The following MTMR10 variants were observed in gnomAD, a reference collection of about 807,000 sequenced individuals.
MTMR10 encodes the protein myotubularin related protein 10, also known as myotubularin-related protein 10.
In MTMR10, 56 loss-of-function variants were observed where a neutral mutation model predicts 88.1. The ratio of observed to expected loss-of-function variants is 0.64; its 90% CI spans 0.51 to 0.79. The LOEUF (loss-of-function observed/expected upper bound fraction) is 0.79. Among genes scored for constraint, MTMR10 ranks in the 30% least tolerant of loss-of-function variants. The probability of loss-of-function intolerance (pLI) is 0.00; values close to 1 mark genes in which losing one functional copy is unlikely to be tolerated. For synonymous variants in MTMR10, 380 were observed against 340.9 expected (o/e 1.11, Z -1.26); for missense variants, 883 against 924.7 (o/e 0.95, Z 0.58).
intron 2 of MTMR10, 30 bp downstream of exon 2, chr15:30,990,747 G>T (rs1404717857): frequency 6.3e-7 from 1 of 1,584,716 alleles, no homozygotes; most frequent in Admixed American, 1.7e-5. Context: ...CGTTGCTAAA[G>T]TATCTGTTAG....
chr15:30,941,042 A>G lies in MTMR10; in HGVS notation c.*428T>C, dbSNP rs1329746868. On this transcript the variant is annotated 3_prime_UTR_variant, in exon 16 of 16. Transcript: ENST00000435680. ...CGACAGAAAGTAACCAGAAAAATACATGAATACTTCCTAAAACCTGCTGGA... is the reference window on the plus strand; with the variant it reads ...CGACAGAAAGTAACCAGAAAAATACGTGAATACTTCCTAAAACCTGCTGGA... 5 of 1,178,918 alleles carry G rather than the reference A, an allele frequency of 4.2e-6. No individual in the cohort carries two copies. The highest frequency in any genetic ancestry group is 1.6e-5 in the African/African-American group (1 of 61,902). The allele number at this position is 1,178,918 out of a possible 1,614,324, so 73.0% of individuals were successfully genotyped here.
At chr15:30,947,992 C>A (rs191173666) in intron 13 of MTMR10, among the ~76,000 whole-genome samples, 1 of 152,264 alleles carries the variant, frequency 6.6e-6, no homozygotes, top group Admixed American at 6.5e-5. Context: ...ATATGATATT[C>A]CAAAAGTGAT....
Position 30,967,957 on chromosome 15 carries a change from A to G in MTMR10, c.528T>C (p.Phe176=). ...ATTTTTTCCCAACATATTCAAATGCAAAGAGTAGCTGGAGGTCTGTTGGCT... is the reference window on the plus strand; with the variant it reads ...ATTTTTTCCCAACATATTCAAATGCGAAGAGTAGCTGGAGGTCTGTTGGCT... The part of the protein sequence containing the change: ...YSQPTDLQLL[F]AFEYVGKKYH... Residue 176 remains phenylalanine (F), a synonymous_variant, in exon 6 of 16, where the codon TTT becomes TTC. Transcript: ENST00000435680. The G allele has an allele frequency of 1.3e-6, 2 of 1,572,574 alleles. No homozygotes were observed. Among genetic ancestry groups the G allele is most frequent in the South Asian group, 1.2e-5 (1 of 85,220 alleles).
At chr15:30,974,872 T>C (rs2029994687) in intron 4 of MTMR10, 59 bp downstream of exon 4, 6 of 1,205,312 alleles carry the variant, frequency 5.0e-6, no homozygotes, top group Admixed American at 3.3e-5. Flanking sequence ...GGTATGACTT[T>C]TCAAATAATA....
intron 9 of MTMR10, among the ~76,000 whole-genome samples, chr15:30,958,017 C>T (rs2063350989): frequency 6.6e-6 from 1 of 152,180 alleles, no homozygotes; most frequent in South Asian, 2.1e-4. Flanking sequence ...GGAAGGCATC[C>T]AGGATGACCC....
rs150671675 is a variant in MTMR10 at position 30,984,150 on chromosome 15, C to A, written c.121+6627G>T. Reference sequence around the variant, plus strand: ...TGAAGTCAGTGAGGTACAGTGTTAGCAAATTACAAGGTTAAAGAATTTGGA... The same window carrying A: ...TGAAGTCAGTGAGGTACAGTGTTAGAAAATTACAAGGTTAAAGAATTTGGA... On this transcript the variant is annotated intron_variant, in intron 2 of 15. Transcript: ENST00000435680. Among the ~76,000 whole-genome samples, 554 of 152,256 alleles carry A rather than the reference C, an allele frequency of 3.6e-3. 5 individuals carry two copies. Among genetic ancestry groups the A allele is most frequent in the African/African-American group, 0.012 (511 of 41,534 alleles).
At position 30,942,819 on chromosome 15, in the gene MTMR10, GCT is replaced by G. The variant is rs2063098050; in HGVS notation, c.1731+69_1731+70del. 3.5e-6 allele frequency: 5 copies of G among 1,411,462 alleles called. No homozygotes were observed. The East Asian group carries it at 1.3e-4, about 36-fold the overall frequency. 87.4% of individuals were successfully genotyped at this position (1,411,462 alleles called of 1,614,324 possible). ...TCTTGGAAGTGCCTTTACTTTTAAC[GCT>G]CTCTGTTCTGAAAAAGAGGTGTTTG... On this transcript the variant is annotated intron_variant, in intron 15 of 15. Transcript: ENST00000435680.
chr15:30,939,452 C>T lies in MTMR10; in HGVS notation c.*2018G>A, dbSNP rs1220338572. 2 of 985,432 alleles carry T rather than the reference C, an allele frequency of 2.0e-6. No individual in the cohort carries two copies. Among genetic ancestry groups the T allele is most frequent in the East Asian group, 1.1e-4 (1 of 8,816 alleles). The allele number at this position is 985,432 out of a possible 1,614,324, so 61.0% of individuals were successfully genotyped here. A position where few individuals can be genotyped will look rare whatever the true frequency, so the allele number is the denominator to read the frequency against. ...TATAAGCAGCTTCACCCTGGCCCGA[C>T]TGAAGGCTGTCATAGTTGTTTTTCA... On this transcript the variant is annotated 3_prime_UTR_variant, in exon 16 of 16. Coordinates refer to ENST00000435680, the MANE Select transcript of MTMR10 (RefSeq NM_017762.3).
chr15:30,929,701 A>G, the MTMR10 span, among the ~76,000 whole-genome samples: 1 of 60,996 alleles, frequency 1.6e-5, no homozygotes, highest in African/African-American at 5.8e-5. Flanking sequence ...TAAAATATAT[A>G]TTATATCATA....
chr15:30,943,092 AT>A lies in MTMR10; in HGVS notation c.1549-21del, dbSNP rs2140990325. The A allele has an allele frequency of 6.5e-7, 1 of 1,529,128 alleles. No homozygotes were observed. The highest frequency in any genetic ancestry group is 1.4e-5 in the African/African-American group (1 of 71,724). 94.7% of individuals were successfully genotyped at this position (1,529,128 alleles called of 1,614,324 possible). A position where few individuals can be genotyped will look rare whatever the true frequency, so the allele number is the denominator to read the frequency against. On this transcript the variant is annotated intron_variant, in intron 14 of 15. Coordinates refer to ENST00000435680, the MANE Select transcript of MTMR10 (RefSeq NM_017762.3). ...AAATTCCTGCAAAATAAATAAATAA[AT>A]ATTTGCAAAACTAAAGATTCTCTCA...
Position 30,991,598 on chromosome 15 carries a change from C to G in MTMR10, c.-92G>C. The G allele has an allele frequency of 1.4e-6, 2 of 1,428,890 alleles. No homozygotes were observed. 88.5% of individuals were successfully genotyped at this position (1,428,890 alleles called of 1,614,324 possible). ...AAGCTCTCAGTGCGGCCGCCCAGGC[C>G]CTTTCTGCGGCCAGCCGAGCCGGGC... On this transcript the variant is annotated 5_prime_UTR_variant, in exon 1 of 16. Coordinates refer to ENST00000435680, the MANE Select transcript of MTMR10 (RefSeq NM_017762.3).
chr15:30,942,432 C>G (rs1267888525), intron 15 of MTMR10: 1 of 321,906 alleles, frequency 3.1e-6, no homozygotes, highest in Non-Finnish European at 5.7e-6. Context: ...GGCCAAATGT[C>G]TGATTCTTTG....
chr15:30,933,499 T>C, the MTMR10 span, among the ~76,000 whole-genome samples: 2 of 152,232 alleles, frequency 1.3e-5, no homozygotes, highest in Non-Finnish European at 2.9e-5. Flanking sequence ...TTTGTATGAT[T>C]TGAATCCCAC....
At chr15:30,989,373 T>C (rs1005089073) in intron 2 of MTMR10, among the ~76,000 whole-genome samples, 1 of 152,220 alleles carries the variant, frequency 6.6e-6, no homozygotes, top group African/African-American at 2.4e-5. Context: ...ACTCCCATAG[T>C]AAAGTTTAAA....
At chr15:30,972,601 T>C (rs549188432) in intron 5 of MTMR10, among the ~76,000 whole-genome samples, 39 of 152,324 alleles carry the variant, frequency 2.6e-4, no homozygotes, top group African/African-American at 8.9e-4. Flanking sequence ...GCACTTATTA[T>C]GCTCTGTTCA....
At chr15:30,981,772 G>A (rs1480319546) in intron 2 of MTMR10, among the ~76,000 whole-genome samples, 1 of 152,054 alleles carries the variant, frequency 6.6e-6, no homozygotes, top group East Asian at 1.9e-4. Flanking sequence ...GCTTTAATAT[G>A]TATTATTTGA....
At chr15:30,979,362 C>T (rs970514466) in intron 2 of MTMR10, among the ~76,000 whole-genome samples, 3 of 151,598 alleles carry the variant, frequency 2.0e-5, no homozygotes, top group Non-Finnish European at 2.9e-5. Flanking sequence ...CAGTTTGAGA[C>T]CACCTGAGCC....
chr15:30,929,223 C>T, the MTMR10 span: 4 of 1,612,650 alleles, frequency 2.5e-6, no homozygotes, highest in Admixed American at 6.7e-5. Context: ...TGGACTTGTG[C>T]ACAGACAGCT....
chr15:30,942,884 A>G lies in MTMR10; in HGVS notation c.1731+6T>C. 1 of 1,557,288 alleles carries G rather than the reference A, an allele frequency of 6.4e-7. No individual in the cohort carries two copies. Among genetic ancestry groups the G allele is most frequent in the Non-Finnish European group, 8.7e-7 (1 of 1,149,456 alleles). On this transcript the variant is annotated splice_donor_region_variant and intron_variant, in intron 15 of 15. Coordinates refer to ENST00000435680, the MANE Select transcript of MTMR10 (RefSeq NM_017762.3). ...CCAACATCACGTTTTGTTAGCTGTGATTTACCTTTGTCCGTTTAAAAGACT... is the reference window on the plus strand; with the variant it reads ...CCAACATCACGTTTTGTTAGCTGTGGTTTACCTTTGTCCGTTTAAAAGACT...
Sources: allele counts gnomAD v4.1 joint callset (sites outside exome capture counted in the v4.1 genomes callset), GRCh38; gene constraint gnomAD v4.1.1; transcripts MANE v1.5; gene names NCBI Gene and HGNC (gene_info 2026-07-23, HGNC 2026-07-21).